The following SLF2 variants were observed in gnomAD, a reference collection of about 807,000 sequenced individuals.
The protein encoded by SLF2 is SMC5-SMC6 complex localization factor protein 2.
In SLF2, 68 loss-of-function variants were observed where a neutral mutation model predicts 124.3. The ratio of observed to expected loss-of-function variants is 0.55; its 90% CI spans 0.45 to 0.67. The LOEUF (loss-of-function observed/expected upper bound fraction) is 0.67, where lower values mean the gene tolerates loss of function less well. SLF2 is among the 30% of genes least tolerant of loss of function. The pLI is 0.00. For synonymous variants in SLF2, 480 were observed against 478.8 expected, an observed-to-expected ratio of 1.00 and a Z score of -0.03; for missense variants, 1,246 against 1,373.7, an observed-to-expected ratio of 0.91 and a Z score of 1.47.
At chr10:100,935,939 G>A (rs1160393049) in intron 9 of SLF2, among the ~76,000 whole-genome samples, 2 of 140,574 alleles carry the variant, frequency 1.4e-5, no homozygotes, top group African/African-American at 5.3e-5. Flanking sequence ...GCTCACTGCA[G>A]CCTCAACCTC....
intron 11 of SLF2, among the ~76,000 whole-genome samples, chr10:100,943,264 T>C (rs906167022): frequency 6.6e-6 from 1 of 152,210 alleles, no homozygotes; most frequent in Non-Finnish European, 1.5e-5. Context: ...AAAGATCAAA[T>C]GTATTTCTTC....
chr10:100,913,246 G>T lies in SLF2; in HGVS notation c.136G>T (p.Asp46Tyr). 1 of 1,605,856 alleles carries T rather than the reference G, an allele frequency of 6.2e-7. No individual in the cohort carries two copies. Among genetic ancestry groups the T allele is most frequent in the Non-Finnish European group, 8.5e-7 (1 of 1,176,390 alleles). ...GGGAAAGAGAACAGAGAGTCCTGGG[G>T]ACAGGTACCGTGCAGAGGGCTTGAG... ...AAGKRTESPG[D>Y]RKQSIIDFFK... The change falls in exon 1 of 20, where the codon GAC becomes TAC. Residue 46 changes from aspartate (D) to tyrosine (Y), a missense_variant. Physicochemically the swap from Asp to Tyr is radical, Grantham distance 160. Around this residue, in one of 3 missense-constraint regions of SLF2, gnomAD observed 698 missense variants for 708.9 expected, o/e 0.98. Transcript: ENST00000238961.
At position 100,926,282 on chromosome 10, in the gene SLF2, C is replaced by T. The variant is rs759542332; in HGVS notation, c.2042+263C>T. On this transcript the variant is annotated intron_variant, in intron 6 of 19. Coordinates refer to ENST00000238961, the MANE Select transcript of SLF2 (RefSeq NM_018121.4). ...CGTGATGGCGCCACTTCACTGCAGC[C>T]TGGGTGGCAGAGTGAGACCCAGTCT... 2.7e-6 allele frequency: 4 copies of T among 1,480,562 alleles called. No individual in the cohort carries two copies. The South Asian group carries it at 5.4e-5, about 20-fold the overall frequency. The allele number at this position is 1,480,562 out of a possible 1,614,324, so 91.7% of individuals were successfully genotyped here.
chr10:100,916,082 G>C (rs1356969635), intron 2 of SLF2, 40 bp downstream of exon 2: 1 of 1,541,104 alleles, frequency 6.5e-7, no homozygotes, highest in Non-Finnish European at 8.9e-7. Flanking sequence ...GGCTATTTTG[G>C]GGGTGAGGAG....
chr10:100,950,238 C>A, intron 16 of SLF2, 31 bp downstream of exon 16: 1 of 1,590,648 alleles, frequency 6.3e-7, no homozygotes, highest in South Asian at 1.2e-5. Context: ...TCAAAGAGTA[C>A]ATAGAAGCAT....
intron 15 of SLF2, among the ~76,000 whole-genome samples, chr10:100,948,705 A>T (rs1850154709): frequency 6.6e-6 from 1 of 151,550 alleles, no homozygotes; most frequent in Non-Finnish European, 1.5e-5. Flanking sequence ...ACACGGTGAA[A>T]CCCCGTCTCT....
At chr10:100,922,273 A>C (rs1476883589) in intron 4 of SLF2, among the ~76,000 whole-genome samples, 1 of 152,074 alleles carries the variant, frequency 6.6e-6, no homozygotes, top group African/African-American at 2.4e-5. Context: ...AGACTATTTC[A>C]CCATGTTGCC....
At chr10:100,934,950 T>C (rs899783564) in intron 9 of SLF2, among the ~76,000 whole-genome samples, 1 of 152,104 alleles carries the variant, frequency 6.6e-6, no homozygotes, top group Non-Finnish European at 1.5e-5. Context: ...TTAAATGTAT[T>C]ACAATCTATG....
rs1006979226 is a variant in SLF2 at position 100,925,942 on chromosome 10, G to GT, written c.1972-3dup. 13 of 1,576,478 alleles carry GT rather than the reference G, an allele frequency of 8.2e-6. No homozygotes were observed. In the Admixed American group the frequency reaches 1.8e-4, roughly 22 times the overall value. ...TGGTAAAGTATTTCTAAATGTTCTT[G>GT]TTTTAGGGACATGTTCATCCTGGAA... On this transcript the variant is annotated splice_region_variant and splice_polypyrimidine_tract_variant and intron_variant, in intron 5 of 19. Transcript: ENST00000238961.
At position 100,923,988 on chromosome 10, in the gene SLF2, GAATA is replaced by G; in HGVS notation, c.991_994del (p.Lys331SerfsTer14). Reference sequence around the variant, plus strand: ...ATTAAATTTTAGCAGGCTCTAAGCAGAATAAATTCCCTGAAAAAAGAAAAAGGAA... The same window carrying G: ...ATTAAATTTTAGCAGGCTCTAAGCAGAATTCCCTGAAAAAAGAAAAAGGAA... On this transcript the variant is annotated frameshift_variant, in exon 5 of 20. Transcript: ENST00000238961. LOFTEE classifies it high-confidence loss of function. 1 of 1,547,316 alleles carries G rather than the reference GAATA, an allele frequency of 6.5e-7. No individual in the cohort carries two copies. Among genetic ancestry groups the G allele is most frequent in the Non-Finnish European group, 8.7e-7 (1 of 1,154,766 alleles).
Position 100,924,972 on chromosome 10 carries a change from A to G in SLF2, c.1971A>G (p.Thr657=), listed in dbSNP as rs1204097604. Residue 657 remains threonine, a splice_region_variant and synonymous_variant, in exon 5 of 20, where the codon ACA becomes ACG. Transcript: ENST00000238961. ...KGLRSQSSDY[T]GHVHPGTYTN... ...TTAGATCTCAGTCATCAGACTATAC[A>G]GTAAGTAGTTCTGTGACGTTTATCT... is the stretch of plus-strand genomic sequence containing the variant. 1 of 1,605,782 alleles carries G rather than the reference A, an allele frequency of 6.2e-7. No individual in the cohort carries two copies. The highest frequency in any genetic ancestry group is 2.2e-5 in the East Asian group (1 of 44,830).
intron 10 of SLF2, among the ~76,000 whole-genome samples, chr10:100,937,855 C>T (rs201834145): frequency 1.3e-5 from 2 of 152,248 alleles, no homozygotes; most frequent in East Asian, 3.9e-4. Context: ...GGCAATTTAC[C>T]CATCTTGGCC....
At chr10:100,940,011 A>G (rs1480063378) in intron 11 of SLF2, among the ~76,000 whole-genome samples, 2 of 152,164 alleles carry the variant, frequency 1.3e-5, no homozygotes, top group African/African-American at 2.4e-5. Context: ...AAAAATCCCA[A>G]CTATTTCCCC....
chr10:100,964,837 C>T lies in SLF2; in HGVS notation c.*2925C>T, dbSNP rs1850481252. ...ACTGAGTTGGAGAATTAGGGGATGACTGTGGTGGTTTGTCGCTAAGGAGGC... is the reference window on the plus strand; with the variant it reads ...ACTGAGTTGGAGAATTAGGGGATGATTGTGGTGGTTTGTCGCTAAGGAGGC... On this transcript the variant is annotated 3_prime_UTR_variant, in exon 20 of 20. Transcript: ENST00000238961. 6.6e-6 allele frequency: 1 copy of T among 152,326 alleles called. No individual in the cohort carries two copies. The allele number at this position is 152,326 out of a possible 1,614,324, so 9.4% of individuals were successfully genotyped here.
intron 10 of SLF2, among the ~76,000 whole-genome samples, chr10:100,938,263 G>A (rs1175797469): frequency 6.6e-6 from 1 of 152,190 alleles, no homozygotes; most frequent in Non-Finnish European, 1.5e-5. Context: ...GGACTATAAA[G>A]GCAATGAAGA....
At chr10:100,961,728 T>C (rs748564735) in intron 19 of SLF2, 149 bp from the exon 20 acceptor site, 16 of 609,920 alleles carry the variant, frequency 2.6e-5, no homozygotes, top group Middle Eastern at 4.6e-4. Flanking sequence ...TTGAATCTGA[T>C]TACCATAAAT....
chr10:100,924,219 C>T lies in SLF2; in HGVS notation c.1218C>T (p.Gly406=). 1 of 1,614,130 alleles carries T rather than the reference C, an allele frequency of 6.2e-7. No individual in the cohort carries two copies. Among genetic ancestry groups the T allele is most frequent in the Non-Finnish European group, 8.5e-7 (1 of 1,180,036 alleles). The change falls in exon 5 of 20, where the codon GGC becomes GGT. Residue 406 remains glycine, a synonymous_variant. Transcript: ENST00000238961. The part of the protein sequence containing the change: ...PSDETDGSSA[G]LAPSNSGNSG... Reference sequence around the variant, plus strand: ...ATGAAACTGATGGCTCTTCTGCAGGCTTGGCACCTTCAAATTCTGGCAATT... The same window carrying T: ...ATGAAACTGATGGCTCTTCTGCAGGTTTGGCACCTTCAAATTCTGGCAATT...
At position 100,937,403 on chromosome 10, in the gene SLF2, T is replaced by C; in HGVS notation, c.2438T>C (p.Met813Thr). The C allele has an allele frequency of 1.2e-6, 2 of 1,604,706 alleles. No homozygotes were observed. The highest frequency in any genetic ancestry group is 1.1e-5 in the South Asian group (1 of 90,846). ...CTGTCATTTCTCTGCTTTTGACAGA[T>C]GATGTCAGTTCATACAGACTGTATT... The part of the protein sequence containing the change: ...PVPVLKWLFR[M>T]MSVHTDCIVS... The change falls in exon 10 of 20, where the codon ATG becomes ACG. Residue 813 changes from methionine to threonine, a missense_variant and splice_region_variant. Transcript: ENST00000238961.
chr10:100,923,944 T>C, intron 4 of SLF2, 31 bp from the exon 5 acceptor site: 1 of 1,465,262 alleles, frequency 6.8e-7, no homozygotes, highest in South Asian at 1.5e-5. Context: ...AAAGTATATT[T>C]TTCACTAATC....
Sources: allele counts gnomAD v4.1 joint callset (sites outside exome capture counted in the v4.1 genomes callset), GRCh38; gene constraint gnomAD v4.1.1; regional missense constraint gnomAD v4.1.1; transcripts MANE v1.5; gene names NCBI Gene and HGNC (gene_info 2026-07-23, HGNC 2026-07-21).